The following ZNF114 variants were observed in gnomAD, a reference collection of about 807,000 sequenced individuals.
The protein encoded by ZNF114 is zinc finger protein 114 (Y18).
A neutral mutation model predicts 6.8 loss-of-function variants in ZNF114; 8 were observed. The observed-to-expected ratio is 1.18, with a 90% CI of 0.69 to 2.13. ZNF114 has a LOEUF of 2.13. Ranked by LOEUF, ZNF114 falls within the 30% of genes most tolerant of loss-of-function variation. ZNF114 has a pLI of 0.00. For missense variants in ZNF114, 472 were observed against 519.5 expected, an observed-to-expected ratio of 0.91 and a Z score of 0.89; for synonymous variants, 169 against 185.5, an observed-to-expected ratio of 0.91 and a Z score of 0.72.
Position 48,286,928 on chromosome 19 carries a change from G to T in ZNF114, c.*50G>T, listed in dbSNP as rs748577300. ...AATTTTCTGACTGTACCAAACATGT[G>T]AGGAGGACATATTGGAAGGGAGCTC... On this transcript the variant is annotated 3_prime_UTR_variant, in exon 6 of 6. Transcript: ENST00000595607. The T allele has an allele frequency of 6.6e-7, 1 of 1,517,582 alleles. No individual in the cohort carries two copies. Among genetic ancestry groups the T allele is most frequent in the Non-Finnish European group, 8.8e-7 (1 of 1,138,112 alleles). The allele number at this position is 1,517,582 out of a possible 1,614,324, so 94.0% of individuals were successfully genotyped here. A position where few individuals can be genotyped will look rare whatever the true frequency, so the allele number is the denominator to read the frequency against.
chr19:48,275,936 C>T (rs1386144075), intron 3 of ZNF114, among the ~76,000 whole-genome samples: 3 of 143,664 alleles, frequency 2.1e-5, no homozygotes, highest in East Asian at 2.3e-4. Context: ...GAGCTGAGAT[C>T]GCACCACTGC....
chr19:48,285,562 G>A (rs7258605), intron 5 of ZNF114, among the ~76,000 whole-genome samples, 199 bp from the exon 6 acceptor site: 3 of 87,390 alleles, frequency 3.4e-5, no homozygotes, highest in East Asian at 3.4e-4. Flanking sequence ...GAAGGAAGGA[G>A]GAAGGAAGGA....
intron 5 of ZNF114, among the ~76,000 whole-genome samples, chr19:48,282,803 C>G (rs954493245): frequency 2.0e-5 from 3 of 151,910 alleles, no homozygotes; most frequent in Non-Finnish European, 4.4e-5. Flanking sequence ...ACTTCCACCC[C>G]CCAGGTTCAT....
Position 48,283,101 on chromosome 19 carries a change from C to T in ZNF114, c.136+604C>T, listed in dbSNP as rs1186718521. ...CACCATCTCGGCTCACTGCAACTTC[C>T]GCCTCCTGGGCTCAAGCAATTCTCC... On this transcript the variant is annotated intron_variant, in intron 5 of 5. Transcript: ENST00000595607. Among the ~76,000 whole-genome samples the T allele has an allele frequency of 4.6e-5, 7 of 152,106 alleles. No individual in the cohort carries two copies. The East Asian group carries it at 5.8e-4, about 13-fold the overall frequency.
chr19:48,285,167 A>AT (rs1452123777), intron 5 of ZNF114, among the ~76,000 whole-genome samples: 1 of 151,936 alleles, frequency 6.6e-6, no homozygotes, highest in Non-Finnish European at 1.5e-5. Flanking sequence ...TCCCCTTCAC[A>AT]TTTTTATCAT....
chr19:48,282,222 A>G lies in ZNF114; in HGVS notation c.10-149A>G, dbSNP rs937485607. 1.9e-5 allele frequency: 21 copies of G among 1,094,538 alleles called. No homozygotes were observed. The Admixed American group carries it at 5.0e-4, about 26-fold the overall frequency. 67.8% of individuals were successfully genotyped at this position (1,094,538 alleles called of 1,614,324 possible). A position where few individuals can be genotyped will look rare whatever the true frequency, so the allele number is the denominator to read the frequency against. On this transcript the variant is annotated intron_variant, in intron 4 of 5. Coordinates refer to ENST00000595607, the MANE Select transcript of ZNF114 (RefSeq NM_153608.4). The stretch of plus-strand genomic sequence containing the variant: ...CACAACCTCATCTTAATTCATTGAC[A>G]TCTGCAAAGACTCTAGTTCACAAAT...
intron 3 of ZNF114, among the ~76,000 whole-genome samples, chr19:48,273,428 G>GTTT (rs113096721): frequency 0.2 from 28,837 of 144,620 alleles, 3,027 homozygotes; most frequent in Non-Finnish European, 0.24. Context: ...TTTCTTTTCT[G>GTTT]TTTTTTTTTT....
At chr19:48,284,157 C>G (rs912790573) in intron 5 of ZNF114, among the ~76,000 whole-genome samples, 1 of 152,180 alleles carries the variant, frequency 6.6e-6, no homozygotes, top group Non-Finnish European at 1.5e-5. Context: ...TCACGGCATT[C>G]CTCAGATCAG....
Position 48,278,836 on chromosome 19 carries a change from G to A in ZNF114, c.-69-895G>A, listed in dbSNP as rs539550606. ...CAGGCACCTGTAATGGCATCTAATCGGGAGGCTGAGACAGGAGAATCACTT... is the reference window on the plus strand; with the variant it reads ...CAGGCACCTGTAATGGCATCTAATCAGGAGGCTGAGACAGGAGAATCACTT... On this transcript the variant is annotated intron_variant, in intron 3 of 5. Coordinates refer to ENST00000595607, the MANE Select transcript of ZNF114 (RefSeq NM_153608.4). Among the ~76,000 whole-genome samples the A allele has an allele frequency of 1.2e-4, 19 of 152,216 alleles. No homozygotes were observed. In the East Asian group the frequency reaches 3.7e-3, roughly 29 times the overall value.
intron 5 of ZNF114, among the ~76,000 whole-genome samples, chr19:48,283,956 A>T (rs1600845919): frequency 6.6e-6 from 1 of 151,212 alleles, no homozygotes; most frequent in South Asian, 2.1e-4. Flanking sequence ...CTTGTCTCAA[A>T]CTCCTGACCT....
chr19:48,284,256 A>G (rs1968062564), intron 5 of ZNF114, among the ~76,000 whole-genome samples: 1 of 152,106 alleles, frequency 6.6e-6, no homozygotes, highest in South Asian at 2.1e-4. Flanking sequence ...GTTGTTATCT[A>G]CAGAGCAGCT....
chr19:48,273,520 G>A (rs1003958348), intron 3 of ZNF114, among the ~76,000 whole-genome samples: 1 of 151,690 alleles, frequency 6.6e-6, no homozygotes, highest in Admixed American at 6.6e-5. Context: ...GGAAAGGACG[G>A]AATTCAGGGA....
chr19:48,284,413 A>AC (rs1315676993), intron 5 of ZNF114, among the ~76,000 whole-genome samples: 1 of 151,196 alleles, frequency 6.6e-6, no homozygotes, highest in Non-Finnish European at 1.5e-5. Context: ...GTCTTTAAAA[A>AC]CAATTTTTTT....
chr19:48,273,792 CTGTCGCCCAGG>C (rs1454816007), intron 3 of ZNF114, among the ~76,000 whole-genome samples: 1 of 143,482 alleles, frequency 7.0e-6, no homozygotes, highest in African/African-American at 2.6e-5. Flanking sequence ...GAGTCTCGCT[CTGTCGCCCAGG>C]CTGGAGTGCA....
In ZNF114 at chr19:48,279,769, G is replaced by A; in HGVS notation, c.-31G>A. 6.2e-7 allele frequency: 1 copy of A among 1,613,940 alleles called. No homozygotes were observed. Among genetic ancestry groups the A allele is most frequent in the Non-Finnish European group, 8.5e-7 (1 of 1,179,950 alleles). The stretch of plus-strand genomic sequence containing the variant: ...GCCTCCTTGAAGGAAACACGGGGAA[G>A]CCAGGACTGGCCGTCACGTTGGTGA... On this transcript the variant is annotated 5_prime_UTR_variant, in exon 4 of 6. Transcript: ENST00000595607.
chr19:48,270,899 A>G (rs1363004165), intron 1 of ZNF114, among the ~76,000 whole-genome samples: 2 of 152,012 alleles, frequency 1.3e-5, no homozygotes, highest in African/African-American at 2.4e-5. Flanking sequence ...TTTACTAAAA[A>G]TACAAAAACT....
intron 3 of ZNF114, among the ~76,000 whole-genome samples, chr19:48,279,056 G>A (rs1041058847): frequency 6.6e-6 from 1 of 152,190 alleles, no homozygotes; most frequent in Admixed American, 6.5e-5. Flanking sequence ...AAAGTATTTG[G>A]AACTAGGTAG....
chr19:48,274,694 T>C (rs1479089616), intron 3 of ZNF114, among the ~76,000 whole-genome samples: 2 of 151,640 alleles, frequency 1.3e-5, no homozygotes, highest in African/African-American at 4.8e-5. Context: ...TTAGTAGTGA[T>C]GGGGTTTCTC....
At chr19:48,281,066 C>A (rs2147291533) in intron 4 of ZNF114, among the ~76,000 whole-genome samples, 1 of 152,192 alleles carries the variant, frequency 6.6e-6, no homozygotes, top group South Asian at 2.1e-4. Context: ...TCGCTTGAGC[C>A]CAGCAGTTCG....
Sources: gnomAD v4.1 joint callset for allele counts (sites outside exome capture counted in the v4.1 genomes callset) on GRCh38, gnomAD v4.1.1 for gene constraint, MANE v1.5 for transcripts, NCBI Gene and HGNC (gene_info 2026-07-23, HGNC 2026-07-21) for gene names.